The following ASIC2 variants were observed in gnomAD, a reference collection of about 807,000 sequenced individuals.
ASIC2 encodes the protein acid sensing ion channel subunit 2, also known as acid-sensing ion channel 2.
A neutral mutation model predicts 57.3 loss-of-function variants in ASIC2; 25 were observed. The ratio of observed to expected loss-of-function variants is 0.44; its 90% CI spans 0.32 to 0.61. The LOEUF (loss-of-function observed/expected upper bound fraction) is 0.61, where lower values mean the gene tolerates loss of function less well. Among genes scored for constraint, ASIC2 ranks in the 20% least tolerant of loss-of-function variants. ASIC2 has a pLI of 0.06. For missense variants in ASIC2, 641 were observed against 738.1 expected (o/e 0.87, Z 1.52); for synonymous variants, 319 against 307.5 (o/e 1.04, Z -0.39).
At chr17:33,883,763 T>C (rs763258873) in intron 1 of ASIC2, among the ~76,000 whole-genome samples, 15 of 152,214 alleles carry the variant, frequency 9.9e-5, no homozygotes, top group Non-Finnish European at 2.1e-4. Context: ...CCTGAATTCA[T>C]GAATGGACCT....
intron 1 of ASIC2, among the ~76,000 whole-genome samples, chr17:33,547,990 C>T (rs1359341666): frequency 1.3e-5 from 2 of 152,218 alleles, no homozygotes; most frequent in African/African-American, 2.4e-5. Flanking sequence ...GCACAAGATA[C>T]AGGTTCAGTG....
intron 1 of ASIC2, among the ~76,000 whole-genome samples, chr17:33,880,330 A>T (rs1175879970): frequency 1.3e-5 from 2 of 152,194 alleles, no homozygotes; most frequent in African/African-American, 4.8e-5. Context: ...GGTTTTTTTG[A>T]AAAGATCAAC....
chr17:33,411,308 A>G (rs535695260), intron 1 of ASIC2, among the ~76,000 whole-genome samples: 4 of 152,186 alleles, frequency 2.6e-5, no homozygotes, highest in African/African-American at 9.7e-5. Flanking sequence ...TCCTCCAGTG[A>G]TTAGAAAAAC....
At chr17:33,512,132 T>C (rs1184033764) in intron 1 of ASIC2, among the ~76,000 whole-genome samples, 1 of 152,212 alleles carries the variant, frequency 6.6e-6, no homozygotes, top group Non-Finnish European at 1.5e-5. Flanking sequence ...ATATCACTTT[T>C]CTTCAAACAG....
intron 1 of ASIC2, among the ~76,000 whole-genome samples, chr17:33,186,871 T>C (rs1163700622): frequency 6.6e-6 from 1 of 152,186 alleles, no homozygotes; most frequent in African/African-American, 2.4e-5. Context: ...AAAATCATCA[T>C]TTTGAAGTGT....
chr17:33,324,862 C>T (rs986625862), intron 1 of ASIC2, among the ~76,000 whole-genome samples: 4 of 152,222 alleles, frequency 2.6e-5, no homozygotes, highest in Non-Finnish European at 5.9e-5. Context: ...CTGCCCTTCT[C>T]ACTCCATTCA....
intron 1 of ASIC2, among the ~76,000 whole-genome samples, chr17:33,162,676 C>T (rs920398303): frequency 6.6e-6 from 1 of 152,210 alleles, no homozygotes; most frequent in Non-Finnish European, 1.5e-5. Context: ...AACTGTCTCA[C>T]ACTCGGACTT....
At chr17:33,182,944 A>C (rs1018596054) in intron 1 of ASIC2, among the ~76,000 whole-genome samples, 2 of 152,244 alleles carry the variant, frequency 1.3e-5, no homozygotes, top group African/African-American at 4.8e-5. Flanking sequence ...TATTGGATTC[A>C]TGAGTGCACT....
intron 1 of ASIC2, among the ~76,000 whole-genome samples, chr17:33,613,932 G>A (rs1364795951): frequency 1.3e-5 from 2 of 152,126 alleles, no homozygotes; most frequent in Admixed American, 1.3e-4. Flanking sequence ...CAGTGCTGTA[G>A]TGACTATAAT....
chr17:34,148,607 C>T (rs747205700), intron 1 of ASIC2, among the ~76,000 whole-genome samples: 6 of 152,014 alleles, frequency 3.9e-5, no homozygotes, highest in Non-Finnish European at 5.9e-5. Context: ...GGTGGTCTTG[C>T]GAGAAGTGGA....
intron 1 of ASIC2, among the ~76,000 whole-genome samples, chr17:33,267,266 A>C (rs909899210): frequency 6.6e-6 from 1 of 152,196 alleles, no homozygotes; most frequent in East Asian, 1.9e-4. Context: ...GTTGGTTTCC[A>C]TTGGGAATAG....
intron 1 of ASIC2, among the ~76,000 whole-genome samples, chr17:33,275,887 G>A (rs559558388): frequency 6.6e-6 from 1 of 152,294 alleles, no homozygotes; most frequent in South Asian, 2.1e-4. Context: ...CCAGCAGCTC[G>A]ACATGGAGGA....
chr17:33,733,176 A>G (rs1474726666), intron 1 of ASIC2, among the ~76,000 whole-genome samples: 2 of 152,132 alleles, frequency 1.3e-5, no homozygotes, highest in African/African-American at 4.8e-5. Context: ...TCTGACTCCA[A>G]CCTCTGCAGG....
chr17:33,808,756 A>T (rs1912337254), intron 1 of ASIC2, among the ~76,000 whole-genome samples: 1 of 152,164 alleles, frequency 6.6e-6, no homozygotes. Context: ...CCTCAAAGTG[A>T]GGAGCATTAA....
intron 1 of ASIC2, among the ~76,000 whole-genome samples, chr17:33,675,531 T>C (rs1907791642): frequency 6.6e-6 from 1 of 152,120 alleles, no homozygotes; most frequent in African/African-American, 2.4e-5. Context: ...GCCTCCCACA[T>C]TTGCTTGCTT....
chr17:33,243,417 TG>T (rs1349451583), intron 1 of ASIC2, among the ~76,000 whole-genome samples: 1 of 152,032 alleles, frequency 6.6e-6, no homozygotes, highest in African/African-American at 2.4e-5. Flanking sequence ...TGAATGAAGT[TG>T]GGGGCACCAT....
intron 3 of ASIC2, among the ~76,000 whole-genome samples, chr17:33,074,783 A>G (rs2092082820): frequency 6.6e-6 from 1 of 152,104 alleles, no homozygotes; most frequent in East Asian, 1.9e-4. Context: ...TTGCTACCTA[A>G]TTAGATTTGG....
intron 1 of ASIC2, among the ~76,000 whole-genome samples, chr17:34,106,402 G>A (rs1567824282): frequency 6.6e-6 from 1 of 151,786 alleles, no homozygotes; most frequent in South Asian, 2.1e-4. Flanking sequence ...TTTTTACTAC[G>A]ATGATCACAA....
At chr17:33,765,282 G>C (rs761106651) in intron 1 of ASIC2, among the ~76,000 whole-genome samples, 1 of 151,608 alleles carries the variant, frequency 6.6e-6, no homozygotes, top group Non-Finnish European at 1.5e-5. Context: ...ATTTTTTTTT[G>C]TATTTTTAGT....
Sources: allele counts gnomAD v4.1 joint callset (sites outside exome capture counted in the v4.1 genomes callset), GRCh38; gene constraint gnomAD v4.1.1; transcripts MANE v1.5; gene names NCBI Gene and HGNC (gene_info 2026-07-23, HGNC 2026-07-21).